Variants in GRIK4 observed in about 807,000 individuals in gnomAD.
GRIK4 encodes glutamate ionotropic receptor kainate type subunit 4.
Under a neutral mutation model 104.9 loss-of-function variants are expected in GRIK4, and 40 were observed. The observed-to-expected ratio is 0.38, with a 90% confidence interval of 0.30 to 0.50. The LOEUF (loss-of-function observed/expected upper bound fraction) is 0.50, where lower values mean the gene tolerates loss of function less well. Ranked by LOEUF, GRIK4 falls within the 20% of genes least tolerant of loss-of-function variation. The probability of loss-of-function intolerance (pLI) is 0.93; values close to 1 mark genes in which losing one functional copy is unlikely to be tolerated. For missense variants in GRIK4, 1,047 were observed against 1,308.1 expected (o/e 0.80, Z 3.08); for synonymous variants, 485 against 524.9 (o/e 0.92, Z 1.04).
chr11:120,922,898 G>A (rs912793366), intron 13 of GRIK4, among the ~76,000 whole-genome samples: 56 of 152,312 alleles, frequency 3.7e-4, no homozygotes, highest in African/African-American at 1.3e-3. Context: ...TGCTCTTGAG[G>A]CAACAATGCA....
chr11:120,721,729 T>C (rs1024829631), intron 3 of GRIK4, among the ~76,000 whole-genome samples: 1 of 152,166 alleles, frequency 6.6e-6, no homozygotes, highest in Non-Finnish European at 1.5e-5. Flanking sequence ...AGTTGGGCTA[T>C]AGGCTCTGGA....
At chr11:120,936,120 CT>C in intron 13 of GRIK4, 1 of 185,654 alleles carries the variant, frequency 5.4e-6, no homozygotes, top group Non-Finnish European at 1.1e-5. Context: ...TTTTTCCTTG[CT>C]TTTTTCAGCC....
At chr11:120,542,752 C>T (rs1299099913) in intron 1 of GRIK4, among the ~76,000 whole-genome samples, 1 of 152,184 alleles carries the variant, frequency 6.6e-6, no homozygotes, top group Non-Finnish European at 1.5e-5. Context: ...AATGAGATGA[C>T]ATTTCACAAG....
At chr11:120,565,569 T>TA in intron 1 of GRIK4, among the ~76,000 whole-genome samples, 1 of 152,182 alleles carries the variant, frequency 6.6e-6, no homozygotes, top group Non-Finnish European at 1.5e-5. Context: ...TAAAGGAATA[T>TA]AAAGCGTTTT....
chr11:120,528,015 G>T (rs1947877992), intron 1 of GRIK4, among the ~76,000 whole-genome samples: 1 of 152,324 alleles, frequency 6.6e-6, no homozygotes, highest in East Asian at 1.9e-4. Flanking sequence ...TCACTCTATT[G>T]CCCAGTGACG....
chr11:120,557,703 C>A (rs985239134), intron 1 of GRIK4, among the ~76,000 whole-genome samples: 10 of 152,180 alleles, frequency 6.6e-5, no homozygotes, highest in Non-Finnish European at 8.8e-5. Flanking sequence ...TCTGTCAGCT[C>A]TTTTGCTGGT....
chr11:120,530,594 A>G (rs1163933086), intron 1 of GRIK4, among the ~76,000 whole-genome samples: 4 of 152,178 alleles, frequency 2.6e-5, no homozygotes, highest in African/African-American at 4.8e-5. Flanking sequence ...TTAATTTGGG[A>G]AGCCATTTCC....
chr11:120,933,893 G>A (rs1331699203), intron 13 of GRIK4, among the ~76,000 whole-genome samples: 4 of 152,118 alleles, frequency 2.6e-5, no homozygotes, highest in African/African-American at 9.7e-5. Flanking sequence ...GCCAGGTGGA[G>A]GAGGCAGGCC....
chr11:120,748,672 C>T (rs1473118548), intron 3 of GRIK4, among the ~76,000 whole-genome samples: 1 of 152,198 alleles, frequency 6.6e-6, no homozygotes, highest in Non-Finnish European at 1.5e-5. Context: ...CCCCCTATAC[C>T]TCACACCTAG....
chr11:120,583,735 C>T (rs933811123), intron 1 of GRIK4, among the ~76,000 whole-genome samples: 1 of 152,094 alleles, frequency 6.6e-6, no homozygotes, highest in South Asian at 2.1e-4. Flanking sequence ...AACAGTTTTT[C>T]CTAGTTCTGT....
At chr11:120,739,192 G>C (rs75384651) in intron 3 of GRIK4, among the ~76,000 whole-genome samples, 383 of 152,308 alleles carry the variant, frequency 2.5e-3, no homozygotes, top group African/African-American at 8.9e-3. Flanking sequence ...AGGTTGGCAT[G>C]GTGTTAACCA....
At chr11:120,811,387 G>A (rs144227014) in intron 4 of GRIK4, among the ~76,000 whole-genome samples, 8 of 152,142 alleles carry the variant, frequency 5.3e-5, no homozygotes, top group Admixed American at 1.3e-4. Context: ...ATGGCTGTGC[G>A]GTGCAGTGGT....
chr11:120,791,970 T>G (rs558856891), intron 3 of GRIK4, among the ~76,000 whole-genome samples: 1 of 152,328 alleles, frequency 6.6e-6, no homozygotes, highest in East Asian at 1.9e-4. Context: ...TCAAAGATTC[T>G]TGAAGTTCTC....
chr11:120,520,996 A>G (rs991429230), intron 1 of GRIK4, among the ~76,000 whole-genome samples: 1 of 152,086 alleles, frequency 6.6e-6, no homozygotes, highest in African/African-American at 2.4e-5. Flanking sequence ...TATGCAGAAG[A>G]CCCTGTAGAG....
intron 3 of GRIK4, among the ~76,000 whole-genome samples, chr11:120,785,309 C>T (rs139164328): frequency 6.6e-6 from 1 of 152,218 alleles, no homozygotes; most frequent in Non-Finnish European, 1.5e-5. Context: ...CTCTCCATGA[C>T]TGCTTTCAAA....
At chr11:120,736,874 A>G (rs1951234205) in intron 3 of GRIK4, among the ~76,000 whole-genome samples, 1 of 151,948 alleles carries the variant, frequency 6.6e-6, no homozygotes, top group South Asian at 2.1e-4. Context: ...TGTGGTTGTG[A>G]TATACCATTT....
chr11:120,975,205 T>C (rs1165281433), intron 19 of GRIK4, among the ~76,000 whole-genome samples: 1 of 151,888 alleles, frequency 6.6e-6, no homozygotes, highest in Non-Finnish European at 1.5e-5. Flanking sequence ...TCTGGCACGG[T>C]GGGAATGGAA....
At chr11:120,574,899 C>T (rs939987906) in intron 1 of GRIK4, among the ~76,000 whole-genome samples, 10 of 152,312 alleles carry the variant, frequency 6.6e-5, no homozygotes, top group African/African-American at 2.4e-4. Flanking sequence ...CCTGAGTCTA[C>T]ACCGAGTGAC....
rs748400573 is a variant in GRIK4 at position 120,987,474 on chromosome 11, CGTGTGT to C, written c.*1217_*1222del. ...GTGTGTGTATGTGTGCGCGCGTGTG[CGTGTGT>C]GTATTTATTCAACAGAAAGACCTTA... On this transcript the variant is annotated 3_prime_UTR_variant, in exon 21 of 21. Transcript: ENST00000527524. 4 of 152,186 alleles carry C rather than the reference CGTGTGT, an allele frequency of 2.6e-5. No individual in the cohort carries two copies. The highest frequency in any genetic ancestry group is 9.6e-5 in the African/African-American group (4 of 41,508). The allele number at this position is 152,186 out of a possible 1,614,324, so 9.4% of individuals were successfully genotyped here. A position where few individuals can be genotyped will look rare whatever the true frequency, so the allele number is the denominator to read the frequency against.
Sources: gnomAD v4.1 joint callset for allele counts (sites outside exome capture counted in the v4.1 genomes callset) on GRCh38, gnomAD v4.1.1 for gene constraint, MANE v1.5 for transcripts, NCBI Gene and HGNC (gene_info 2026-07-23, HGNC 2026-07-21) for gene names.